The following PKD2L2 variants were observed in gnomAD, a reference collection of about 807,000 sequenced individuals.
PKD2L2 encodes polycystin-2-like protein 2.
A neutral mutation model predicts 83.9 loss-of-function variants in PKD2L2; 67 were observed. That is an observed-to-expected ratio of 0.80 (90% confidence interval 0.66 to 0.98). The LOEUF (loss-of-function observed/expected upper bound fraction) is 0.98, where lower values mean the gene tolerates loss of function less well. Ranked by LOEUF, PKD2L2 falls within the 50% of genes least tolerant of loss-of-function variation. The probability of loss-of-function intolerance (pLI) is 0.00; values close to 1 mark genes in which losing one functional copy is unlikely to be tolerated. For synonymous variants in PKD2L2, 223 were observed against 237.8 expected, an observed-to-expected ratio of 0.94 and a Z score of 0.57; for missense variants, 632 against 717.2, an observed-to-expected ratio of 0.88 and a Z score of 1.36.
chr5:137,923,011 CTTTTCTTTTTT>C (rs1169961016), intron 9 of PKD2L2, among the ~76,000 whole-genome samples: 5 of 147,846 alleles, frequency 3.4e-5, no homozygotes, highest in Non-Finnish European at 7.5e-5. Flanking sequence ...TTTCCTTTTT[CTTTTCTTTTTT>C]TTTTTTTTAG....
chr5:137,894,178 G>T (rs1756243173), intron 3 of PKD2L2, among the ~76,000 whole-genome samples, 175 bp from the exon 4 acceptor site: 1 of 152,188 alleles, frequency 6.6e-6, no homozygotes, highest in African/African-American at 2.4e-5. Flanking sequence ...CACAGTACGT[G>T]CTTAATGAGT....
At chr5:137,909,836 A>G (rs970071169) in intron 8 of PKD2L2, among the ~76,000 whole-genome samples, 1 of 152,074 alleles carries the variant, frequency 6.6e-6, no homozygotes, top group African/African-American at 2.4e-5. Context: ...ACACCCAGCC[A>G]AAAGAAATCT....
intron 8 of PKD2L2, among the ~76,000 whole-genome samples, chr5:137,910,971 T>C (rs750439088): frequency 1.3e-5 from 2 of 152,174 alleles, no homozygotes; most frequent in Non-Finnish European, 2.9e-5. Flanking sequence ...ATAAAATATA[T>C]ATAACATCAA....
rs559731587 is a variant in PKD2L2 at position 137,921,771 on chromosome 5, T to C, written c.1449+15T>C. ...TTGTCCTGCTGGTAAGAATAATACA[T>C]ATTCCTTTCATTTCTTACTTTTTAG... On this transcript the variant is annotated intron_variant, in intron 9 of 14. Coordinates refer to ENST00000508883, the MANE Select transcript of PKD2L2 (RefSeq NM_001300921.2). The C allele has an allele frequency of 2.6e-6, 4 of 1,553,420 alleles. No homozygotes were observed. The highest frequency in any genetic ancestry group is 2.8e-5 in the African/African-American group (2 of 72,562).
intron 11 of PKD2L2, 72 bp from the exon 12 acceptor site, chr5:137,925,803 G>A (rs1049622383): frequency 8.6e-5 from 72 of 839,416 alleles, no homozygotes; most frequent in Non-Finnish European, 2.4e-5. Flanking sequence ...CTACAGATCC[G>A]ATTGTACTTT....
chr5:137,914,134 T>C (rs1758113970), intron 8 of PKD2L2, among the ~76,000 whole-genome samples: 1 of 140,874 alleles, frequency 7.1e-6, no homozygotes, highest in South Asian at 2.4e-4. Context: ...AAGAGACTCA[T>C]CCGTCTTGGC....
intron 14 of PKD2L2, among the ~76,000 whole-genome samples, chr5:137,941,023 A>G (rs1761598599): frequency 6.6e-6 from 1 of 152,160 alleles, no homozygotes; most frequent in Non-Finnish European, 1.5e-5. Context: ...CTCCTGCCTC[A>G]GCCTCTAGAG....
At chr5:137,911,772 A>C (rs12513389) in intron 8 of PKD2L2, among the ~76,000 whole-genome samples, 17,597 of 152,070 alleles carry the variant, frequency 0.12, 1,584 homozygotes, top group East Asian at 0.36. Flanking sequence ...TCTAACTGAA[A>C]TTTTACACCC....
At chr5:137,919,919 A>G (rs1216289144) in intron 8 of PKD2L2, among the ~76,000 whole-genome samples, 2 of 152,158 alleles carry the variant, frequency 1.3e-5, no homozygotes, top group Non-Finnish European at 2.9e-5. Context: ...CATACGATTA[A>G]ACATTTGTTT....
intron 14 of PKD2L2, chr5:137,941,822 A>T (rs1761943247): frequency 1.3e-6 from 1 of 784,616 alleles, no homozygotes; most frequent in South Asian, 1.8e-5. Context: ...ATGTTTTAAA[A>T]TTTTTCAGTG....
At chr5:137,909,498 C>T (rs916153097) in intron 8 of PKD2L2, among the ~76,000 whole-genome samples, 20 of 149,704 alleles carry the variant, frequency 1.3e-4, no homozygotes, top group South Asian at 8.5e-4. Context: ...TAGAAATTGT[C>T]CCCCATGTCT....
At chr5:137,922,119 C>T (rs1470290525) in intron 9 of PKD2L2, among the ~76,000 whole-genome samples, 1 of 152,228 alleles carries the variant, frequency 6.6e-6, no homozygotes, top group Non-Finnish European at 1.5e-5. Context: ...ACACTTACCA[C>T]GTTGTGGTTT....
chr5:137,917,874 T>G (rs1427439355), intron 8 of PKD2L2, among the ~76,000 whole-genome samples: 1 of 152,140 alleles, frequency 6.6e-6, no homozygotes, highest in Non-Finnish European at 1.5e-5. Flanking sequence ...ATTCAAACTT[T>G]GTATGTCTTG....
chr5:137,889,575 G>C (rs1755753700), intron 1 of PKD2L2, 53 bp downstream of exon 1: 1 of 1,467,872 alleles, frequency 6.8e-7, no homozygotes. Context: ...GGCAGTTCCA[G>C]ACACCCTGAA....
intron 8 of PKD2L2, among the ~76,000 whole-genome samples, chr5:137,921,083 G>A (rs943696262): frequency 7.9e-5 from 12 of 152,134 alleles, no homozygotes; most frequent in African/African-American, 2.9e-4. Flanking sequence ...TAGGTGGGCT[G>A]GGTGTGGTGG....
At chr5:137,889,551 G>A (rs954445113) in intron 1 of PKD2L2, 29 bp downstream of exon 1, 2 of 1,521,742 alleles carry the variant, frequency 1.3e-6, no homozygotes, top group African/African-American at 1.5e-5. Context: ...GAGTGGGAGG[G>A]ACAGGGGCGA....
intron 8 of PKD2L2, 55 bp downstream of exon 8, chr5:137,909,001 T>A: frequency 1.9e-6 from 2 of 1,052,968 alleles, no homozygotes; most frequent in South Asian, 1.5e-5. Context: ...ACAAAAAAAA[T>A]TGGAAAGGTC....
chr5:137,916,028 TTTTTTTC>T (rs201908044), intron 8 of PKD2L2, among the ~76,000 whole-genome samples: 1,980 of 66,468 alleles, frequency 0.03, 35 homozygotes, highest in East Asian at 0.065. Flanking sequence ...ACACACATTT[TTTTTTTC>T]TTTTTTCTTT....
intron 4 of PKD2L2, among the ~76,000 whole-genome samples, chr5:137,896,259 G>A (rs1232497048): frequency 6.6e-6 from 1 of 151,934 alleles, no homozygotes; most frequent in Non-Finnish European, 1.5e-5. Context: ...ATCTACAAAG[G>A]CCTACCCTTT....
Sources: allele counts gnomAD v4.1 joint callset (sites outside exome capture counted in the v4.1 genomes callset), GRCh38; gene constraint gnomAD v4.1.1; transcripts MANE v1.5; gene names NCBI Gene and HGNC (gene_info 2026-07-23, HGNC 2026-07-21).